PXDNL: variants seen among roughly 807,000 people sequenced by gnomAD.
PXDNL encodes probable oxidoreductase PXDNL.
PXDNL carries 145 observed loss-of-function variants against 150.8 expected under a neutral mutation model. The observed-to-expected ratio is 0.96, with a 90% CI of 0.84 to 1.10. PXDNL has a LOEUF of 1.10. Among genes scored for constraint, PXDNL ranks in the 50% least tolerant of loss-of-function variants. The pLI is 0.00. For synonymous variants in PXDNL, 757 were observed against 725.7 expected, an observed-to-expected ratio of 1.04 and a Z score of -0.69; for missense variants, 2,087 against 1,873.9, an observed-to-expected ratio of 1.11 and a Z score of -2.10.
chr8:51,572,866 A>G (rs969146241), intron 3 of PXDNL, among the ~76,000 whole-genome samples: 3 of 151,980 alleles, frequency 2.0e-5, no homozygotes, highest in Non-Finnish European at 4.4e-5. Flanking sequence ...CCCACTAAAT[A>G]CAACTAGAAA....
At chr8:51,517,082 T>A (rs969572971) in intron 4 of PXDNL, among the ~76,000 whole-genome samples, 16 of 152,196 alleles carry the variant, frequency 1.1e-4, no homozygotes, top group Non-Finnish European at 1.3e-4. Context: ...TTATTTCAAT[T>A]CATTGTAACC....
In PXDNL at chr8:51,780,501, C is replaced by G. The variant is rs138724145; in HGVS notation, c.164+28680G>C. 3.0e-3 allele frequency among the ~76,000 whole-genome samples: 455 copies of G among 151,138 alleles called. 8 individuals are homozygous for G. The highest frequency in any genetic ancestry group is 0.022 in the Admixed American group (331 of 15,084). On this transcript the variant is annotated intron_variant, in intron 1 of 22. Coordinates refer to ENST00000356297, the MANE Select transcript of PXDNL (RefSeq NM_144651.5). ...CCTACAATGAGAAACCTTTAAAACT[C>G]ATGGATGGGGAGTTTCTCAGTCAGT...
chr8:51,439,532 T>C (rs942144187), intron 12 of PXDNL, among the ~76,000 whole-genome samples: 4 of 152,050 alleles, frequency 2.6e-5, no homozygotes, highest in African/African-American at 9.7e-5. Context: ...CCTTAAAGAA[T>C]TAACAGTACA....
intron 2 of PXDNL, among the ~76,000 whole-genome samples, chr8:51,641,168 G>C (rs146579655): frequency 0.15 from 21,230 of 142,446 alleles, 1,921 homozygotes; most frequent in Non-Finnish European, 0.19. Flanking sequence ...AAAGCTGAAA[G>C]TGGATCCCTT....
chr8:51,516,190 T>A (rs1811531560), intron 4 of PXDNL, among the ~76,000 whole-genome samples: 1 of 152,220 alleles, frequency 6.6e-6, no homozygotes, highest in Non-Finnish European at 1.5e-5. Context: ...CTGAGATGAG[T>A]AACAACATCC....
intron 17 of PXDNL, among the ~76,000 whole-genome samples, chr8:51,399,313 A>G (rs911437888): frequency 3.9e-5 from 6 of 152,220 alleles, no homozygotes; most frequent in African/African-American, 1.4e-4. Flanking sequence ...AGAAGAGATA[A>G]ATACGGGAAA....
At chr8:51,631,846 G>C (rs1814495174) in intron 2 of PXDNL, among the ~76,000 whole-genome samples, 1 of 151,980 alleles carries the variant, frequency 6.6e-6, no homozygotes, top group African/African-American at 2.4e-5. Context: ...ATTACCTCGT[G>C]TCTCATTTCT....
chr8:51,774,811 C>T (rs2037335047), intron 1 of PXDNL, among the ~76,000 whole-genome samples: 1 of 151,966 alleles, frequency 6.6e-6, no homozygotes, highest in Non-Finnish European at 1.5e-5. Context: ...AAGGGAGACT[C>T]CATCTCAAAA....
chr8:51,357,030 C>T (rs1806530840), intron 19 of PXDNL, among the ~76,000 whole-genome samples: 1 of 152,118 alleles, frequency 6.6e-6, no homozygotes, highest in South Asian at 2.1e-4. Flanking sequence ...TCTGAGTCAA[C>T]TTGTAAGTTG....
intron 1 of PXDNL, among the ~76,000 whole-genome samples, chr8:51,670,646 T>C (rs1815480300): frequency 1.3e-5 from 2 of 152,300 alleles, no homozygotes; most frequent in South Asian, 4.1e-4. Context: ...CATGACTGTA[T>C]CTCCAATTTT....
chr8:51,808,285 A>G (rs1302902444), intron 1 of PXDNL, among the ~76,000 whole-genome samples: 1 of 152,222 alleles, frequency 6.6e-6, no homozygotes, highest in African/African-American at 2.4e-5. Context: ...CAAAATATTT[A>G]TTATAGAGCA....
At chr8:51,751,886 A>G (rs1475793329) in intron 1 of PXDNL, among the ~76,000 whole-genome samples, 3 of 152,246 alleles carry the variant, frequency 2.0e-5, no homozygotes, top group African/African-American at 7.2e-5. Flanking sequence ...ACTCAGGCAT[A>G]GAAGTGTTCC....
chr8:51,769,185 A>G (rs2037263911), intron 1 of PXDNL, among the ~76,000 whole-genome samples: 1 of 152,232 alleles, frequency 6.6e-6, no homozygotes, highest in African/African-American at 2.4e-5. Context: ...TCATTCCACC[A>G]TTTATTAATG....
chr8:51,609,427 G>A (rs1813948261), intron 2 of PXDNL, among the ~76,000 whole-genome samples: 1 of 152,168 alleles, frequency 6.6e-6, no homozygotes, highest in Non-Finnish European at 1.5e-5. Flanking sequence ...CGGGGTCCTT[G>A]ACCCCTGTGC....
intron 19 of PXDNL, among the ~76,000 whole-genome samples, chr8:51,358,848 A>G (rs1045071666): frequency 6.6e-6 from 1 of 152,156 alleles, no homozygotes; most frequent in African/African-American, 2.4e-5. Context: ...AACCCTGGGG[A>G]AAAATGCAGC....
chr8:51,727,404 A>G (rs1339095290), intron 1 of PXDNL, among the ~76,000 whole-genome samples: 1 of 152,254 alleles, frequency 6.6e-6, no homozygotes, highest in Non-Finnish European at 1.5e-5. Flanking sequence ...ACAAAAACGA[A>G]TGAAGTTAAA....
At chr8:51,667,437 G>A (rs1017728889) in intron 1 of PXDNL, among the ~76,000 whole-genome samples, 11 of 152,108 alleles carry the variant, frequency 7.2e-5, no homozygotes, top group African/African-American at 1.9e-4. Flanking sequence ...AACTTTACAC[G>A]TGGTGAAAAC....
intron 2 of PXDNL, among the ~76,000 whole-genome samples, chr8:51,640,212 T>C (rs1286433537): frequency 6.6e-6 from 1 of 152,096 alleles, no homozygotes; most frequent in Non-Finnish European, 1.5e-5. Flanking sequence ...CTCAAAATAA[T>C]AAGAGCTATC....
intron 5 of PXDNL, among the ~76,000 whole-genome samples, chr8:51,497,429 C>T (rs1038455772): frequency 2.6e-5 from 4 of 152,180 alleles, no homozygotes; most frequent in African/African-American, 9.7e-5. Flanking sequence ...CCAAAATTGA[C>T]AAACAGGATC....
Sources: gnomAD v4.1 joint callset for allele counts (sites outside exome capture counted in the v4.1 genomes callset) on GRCh38, gnomAD v4.1.1 for gene constraint, MANE v1.5 for transcripts, NCBI Gene and HGNC (gene_info 2026-07-23, HGNC 2026-07-21) for gene names.